SRBD1: variants seen among roughly 807,000 people sequenced by gnomAD.
SRBD1 encodes S1 RNA-binding domain-containing protein 1.
In SRBD1, 88 loss-of-function variants were observed where a neutral mutation model predicts 115.3. That is an observed-to-expected ratio of 0.76 (90% CI 0.64 to 0.91). The LOEUF is 0.91. Ranked by LOEUF, SRBD1 falls within the 40% of genes least tolerant of loss-of-function variation. The pLI, the probability that SRBD1 is intolerant of heterozygous loss-of-function variation, is 0.00. For missense variants in SRBD1, 1,385 were observed against 1,177.4 expected (o/e 1.18, Z -2.58); for synonymous variants, 509 against 407.7 (o/e 1.25, Z -2.99).
chr2:45,432,201 G>A (rs774793441), intron 16 of SRBD1, among the ~76,000 whole-genome samples: 7 of 151,896 alleles, frequency 4.6e-5, no homozygotes, highest in Non-Finnish European at 8.8e-5. Flanking sequence ...AGCTAATGTT[G>A]TATTTTTAGT....
At chr2:45,454,995 A>G (rs190578452) in intron 16 of SRBD1, among the ~76,000 whole-genome samples, 26 of 151,914 alleles carry the variant, frequency 1.7e-4, no homozygotes, top group African/African-American at 6.3e-4. Flanking sequence ...AATATTATGT[A>G]GCTCAAATTT....
chr2:45,534,399 G>A (rs1262922030), intron 14 of SRBD1, among the ~76,000 whole-genome samples: 2 of 151,818 alleles, frequency 1.3e-5, no homozygotes, highest in South Asian at 4.1e-4. Flanking sequence ...AATAGTCACC[G>A]AAATGGAGAT....
intron 16 of SRBD1, among the ~76,000 whole-genome samples, chr2:45,474,158 CTT>C (rs748382900): frequency 8.5e-5 from 13 of 152,214 alleles, no homozygotes; most frequent in Non-Finnish European, 1.8e-4. Flanking sequence ...GCAATAATCT[CTT>C]TTCTCTCTAT....
intron 16 of SRBD1, among the ~76,000 whole-genome samples, chr2:45,436,700 T>C (rs1182673309): frequency 6.6e-6 from 1 of 152,076 alleles, no homozygotes; most frequent in Non-Finnish European, 1.5e-5. Flanking sequence ...GAGAACAGCA[T>C]AGGGGAAACC....
At chr2:45,431,549 C>T (rs1668336345) in intron 16 of SRBD1, among the ~76,000 whole-genome samples, 1 of 152,154 alleles carries the variant, frequency 6.6e-6, no homozygotes, top group East Asian at 1.9e-4. Context: ...ACCACATGTT[C>T]TCACTCATAA....
intron 19 of SRBD1, among the ~76,000 whole-genome samples, chr2:45,408,472 C>G (rs1667501077): frequency 6.6e-6 from 1 of 152,160 alleles, no homozygotes; most frequent in Admixed American, 6.6e-5. Context: ...TACCCTCCTC[C>G]TGAGAGACAA....
intron 16 of SRBD1, among the ~76,000 whole-genome samples, chr2:45,450,207 T>C (rs560967293): frequency 6.0e-4 from 92 of 152,284 alleles, no homozygotes; most frequent in African/African-American, 2.0e-3. Context: ...TATCACTAAA[T>C]AATTTTATAA....
chr2:45,468,529 A>G lies in SRBD1; in HGVS notation c.2049+8464T>C, dbSNP rs187348763. Among the ~76,000 whole-genome samples the G allele has an allele frequency of 8.7e-4, 132 of 151,970 alleles. No individual in the cohort carries two copies. In the Middle Eastern group the frequency reaches 0.017, roughly 20 times the overall value. Reference sequence around the variant, plus strand: ...CAGCCTCCCCAGTAGCTGGGACTACATGTGTGCACCACCATGCTCAGCTAA... The same window carrying G: ...CAGCCTCCCCAGTAGCTGGGACTACGTGTGTGCACCACCATGCTCAGCTAA... On this transcript the variant is annotated intron_variant, in intron 16 of 20. Coordinates refer to ENST00000263736, the MANE Select transcript of SRBD1 (RefSeq NM_018079.5).
chr2:45,499,860 G>C (rs1670573237), intron 14 of SRBD1, among the ~76,000 whole-genome samples: 1 of 152,056 alleles, frequency 6.6e-6, no homozygotes, highest in Non-Finnish European at 1.5e-5. Context: ...CTATGTGTCT[G>C]TTTTTATGCC....
In SRBD1 at chr2:45,546,821, A is replaced by C. The variant is rs773144678; in HGVS notation, c.1785T>G (p.Ile595Met). 2.5e-6 allele frequency: 4 copies of C among 1,614,134 alleles called. No homozygotes were observed. The East Asian group carries it at 8.9e-5, about 36-fold the overall frequency. ...TTTCCCTGCAGGCAGTTCCATTTCC[A>C]ATCACTACTGTGCTGCAGCTTCAAG... ...LLNFNCSTVV[I>M]GNGTACRETE... The change falls in exon 14 of 21, where the codon ATT becomes ATG. Residue 595 changes from isoleucine to methionine, a missense_variant. Coordinates refer to ENST00000263736, the MANE Select transcript of SRBD1 (RefSeq NM_018079.5).
intron 19 of SRBD1, among the ~76,000 whole-genome samples, chr2:45,405,655 T>C (rs1027089593): frequency 1.3e-5 from 2 of 152,020 alleles, no homozygotes; most frequent in African/African-American, 2.4e-5. Context: ...GAAGAATATA[T>C]ACATCTACAG....
At chr2:45,566,509 C>T (rs1400065096) in intron 9 of SRBD1, among the ~76,000 whole-genome samples, 1 of 152,120 alleles carries the variant, frequency 6.6e-6, no homozygotes, top group Non-Finnish European at 1.5e-5. Context: ...ACAGACAAAT[C>T]TATAGAGATA....
chr2:45,434,467 T>C (rs1668429849), intron 16 of SRBD1, among the ~76,000 whole-genome samples: 2 of 152,218 alleles, frequency 1.3e-5, no homozygotes, highest in Admixed American at 1.3e-4. Flanking sequence ...CCTTAACATT[T>C]GGCAAACAAT....
chr2:45,520,114 A>C (rs961998011), intron 14 of SRBD1, among the ~76,000 whole-genome samples: 8 of 152,220 alleles, frequency 5.3e-5, no homozygotes, highest in Admixed American at 4.6e-4. Context: ...GGCAATTATA[A>C]TACTACTTAA....
At chr2:45,431,375 T>G (rs916100379) in intron 16 of SRBD1, among the ~76,000 whole-genome samples, 1 of 152,096 alleles carries the variant, frequency 6.6e-6, no homozygotes, top group Non-Finnish European at 1.5e-5. Flanking sequence ...TAGCAAAGAC[T>G]TGGAACCAAC....
chr2:45,559,396 C>A (rs1036806858), intron 10 of SRBD1, among the ~76,000 whole-genome samples: 22 of 152,272 alleles, frequency 1.4e-4, no homozygotes, highest in African/African-American at 5.1e-4. Flanking sequence ...TCCAACCTAC[C>A]TAGCTGTCAA....
chr2:45,542,818 T>C (rs544037818), intron 14 of SRBD1, among the ~76,000 whole-genome samples: 2 of 152,284 alleles, frequency 1.3e-5, no homozygotes, highest in Admixed American at 6.5e-5. Context: ...CAACAGGTGA[T>C]TGAATAAACT....
intron 16 of SRBD1, among the ~76,000 whole-genome samples, chr2:45,464,955 G>T (rs1669436018): frequency 6.6e-6 from 1 of 151,202 alleles, no homozygotes; most frequent in African/African-American, 2.4e-5. Context: ...TCAATTAATT[G>T]AGTACCAATA....
intron 14 of SRBD1, among the ~76,000 whole-genome samples, chr2:45,489,731 C>CAT (rs1345805927): frequency 1.3e-5 from 2 of 152,048 alleles, no homozygotes; most frequent in East Asian, 3.9e-4. Flanking sequence ...TGCCCAAGAT[C>CAT]ATATAGCTGG....
Sources: gnomAD v4.1 joint callset for allele counts (sites outside exome capture counted in the v4.1 genomes callset) on GRCh38, gnomAD v4.1.1 for gene constraint, MANE v1.5 for transcripts, NCBI Gene and HGNC (gene_info 2026-07-23, HGNC 2026-07-21) for gene names.